DRD2: variants seen among roughly 807,000 people sequenced by gnomAD.
The protein encoded by DRD2 is D(2) dopamine receptor.
In DRD2, 8 loss-of-function variants were observed where a neutral mutation model predicts 38.0. The ratio of observed to expected loss-of-function variants is 0.21; its 90% confidence interval spans 0.12 to 0.38. DRD2 has a LOEUF of 0.38. DRD2 is among the 10% of genes least tolerant of loss of function. The pLI, the probability that DRD2 is intolerant of heterozygous loss-of-function variation, is 1.00. For synonymous variants in DRD2, 230 were observed against 238.6 expected (o/e 0.96, Z 0.33); for missense variants, 403 against 607.7 (o/e 0.66, Z 3.54).
chr11:113,454,750 C>G (rs1237672535), intron 1 of DRD2, among the ~76,000 whole-genome samples: 1 of 152,120 alleles, frequency 6.6e-6, no homozygotes, highest in Non-Finnish European at 1.5e-5. Context: ...ACGTGGTATC[C>G]ACATACAATG....
At chr11:113,473,034 C>A (rs898352997) in intron 1 of DRD2, among the ~76,000 whole-genome samples, 3 of 152,034 alleles carry the variant, frequency 2.0e-5, no homozygotes, top group African/African-American at 7.3e-5. Context: ...CAGCAGGAGA[C>A]AAAGGGTGAG....
rs1401404018 is a variant in DRD2 at position 113,475,213 on chromosome 11, G to A, written c.-169C>T. 1.3e-5 allele frequency: 2 copies of A among 150,408 alleles called. No individual in the cohort carries two copies. Among genetic ancestry groups the A allele is most frequent in the Non-Finnish European group, 3.0e-5 (2 of 67,394 alleles). 9.3% of individuals were successfully genotyped at this position (150,408 alleles called of 1,614,324 possible). On this transcript the variant is annotated 5_prime_UTR_variant, in exon 1 of 8. Coordinates refer to ENST00000362072, the MANE Select transcript of DRD2 (RefSeq NM_000795.4). ...CTCCTCGGCCGGTCCCTGGCTCCCG[G>A]CCCCGCCGCGCCGTTCAGAGCCCCG...
chr11:113,448,379 C>T (rs184180374), intron 1 of DRD2, among the ~76,000 whole-genome samples: 297 of 152,288 alleles, frequency 2.0e-3, no homozygotes, highest in Admixed American at 5.2e-3. Context: ...CTGAAAACCA[C>T]GCCTCAAGCT....
intron 1 of DRD2, among the ~76,000 whole-genome samples, chr11:113,462,404 A>T (rs778105539): frequency 6.6e-6 from 1 of 152,226 alleles, no homozygotes; most frequent in Non-Finnish European, 1.5e-5. Context: ...ATTCTGGATT[A>T]CAGTGGACCC....
chr11:113,444,590 A>G (rs188638879), intron 1 of DRD2, among the ~76,000 whole-genome samples: 111 of 152,340 alleles, frequency 7.3e-4, no homozygotes, highest in African/African-American at 2.5e-3. Flanking sequence ...AGGAAATTAC[A>G]TGGCTTACAC....
intron 1 of DRD2, among the ~76,000 whole-genome samples, chr11:113,445,957 C>G (rs1951144386): frequency 6.6e-6 from 1 of 152,194 alleles, no homozygotes; most frequent in African/African-American, 2.4e-5. Context: ...GAGGCATTTT[C>G]CAGCCTGTTC....
chr11:113,426,805 A>C (rs1027547848), intron 1 of DRD2, among the ~76,000 whole-genome samples: 10 of 152,370 alleles, frequency 6.6e-5, no homozygotes, highest in African/African-American at 2.2e-4. Context: ...GTAATGAAGC[A>C]TATGTCATAT....
At chr11:113,455,825 T>C (rs1391097322) in intron 1 of DRD2, among the ~76,000 whole-genome samples, 5 of 152,192 alleles carry the variant, frequency 3.3e-5, no homozygotes, top group Non-Finnish European at 5.9e-5. Context: ...GGAACACTTA[T>C]AAACCGTTGG....
intron 2 of DRD2, among the ~76,000 whole-genome samples, chr11:113,423,764 C>T (rs1183722235): frequency 6.6e-6 from 1 of 152,188 alleles, no homozygotes; most frequent in Non-Finnish European, 1.5e-5. Context: ...GGCTACAGCA[C>T]AGTCCATGGC....
At chr11:113,413,480 CT>C (rs34684460) in intron 6 of DRD2, 7,549 of 419,862 alleles carry the variant, frequency 0.018, 522 homozygotes, top group African/African-American at 0.14. Flanking sequence ...CTCCTGGGTT[CT>C]TCCATAGGTT....
chr11:113,418,237 A>C, intron 2 of DRD2, 101 bp from the exon 3 acceptor site: 1 of 955,140 alleles, frequency 1.0e-6, no homozygotes, highest in Non-Finnish European at 1.7e-6. Context: ...CAGACTCAGG[A>C]GGCAGCTGCA....
chr11:113,454,886 G>A (rs1316843873), intron 1 of DRD2, among the ~76,000 whole-genome samples: 1 of 152,168 alleles, frequency 6.6e-6, no homozygotes. Flanking sequence ...GTGAGAAAAG[G>A]GCAGTCTCTT....
At chr11:113,414,613 G>A in intron 5 of DRD2, 152 bp from the exon 6 acceptor site, 1 of 761,194 alleles carries the variant, frequency 1.3e-6, no homozygotes. Flanking sequence ...GGGGCAAGGG[G>A]GAAGGCTGGA....
In DRD2 at chr11:113,475,267, C is replaced by G. The variant is rs898449277; in HGVS notation, c.-223G>C. On this transcript the variant is annotated 5_prime_UTR_variant, in exon 1 of 8. Coordinates refer to ENST00000362072, the MANE Select transcript of DRD2 (RefSeq NM_000795.4). ...GGCAGCAGCTCGGCCGGCTCTGGCCCGCGGGGAGCAGTGGACGGGCCGCGG... is the reference window on the plus strand; with the variant it reads ...GGCAGCAGCTCGGCCGGCTCTGGCCGGCGGGGAGCAGTGGACGGGCCGCGG... 2 of 148,792 alleles carry G rather than the reference C, an allele frequency of 1.3e-5. No individual in the cohort carries two copies. The highest frequency in any genetic ancestry group is 4.9e-5 in the African/African-American group (2 of 41,104). 9.2% of individuals were successfully genotyped at this position (148,792 alleles called of 1,614,324 possible).
At chr11:113,436,756 T>C (rs1200071166) in intron 1 of DRD2, among the ~76,000 whole-genome samples, 1 of 152,216 alleles carries the variant, frequency 6.6e-6, no homozygotes, top group Non-Finnish European at 1.5e-5. Flanking sequence ...CAAAATGTTT[T>C]AAAATATCTA....
intron 1 of DRD2, among the ~76,000 whole-genome samples, chr11:113,466,997 C>A (rs955795757): frequency 2.0e-5 from 3 of 152,200 alleles, no homozygotes; most frequent in African/African-American, 7.2e-5. Flanking sequence ...TTCAACTACA[C>A]ATACTACTAA....
intron 2 of DRD2, among the ~76,000 whole-genome samples, chr11:113,421,556 G>A (rs575382377): frequency 2.0e-5 from 3 of 152,200 alleles, no homozygotes; most frequent in Non-Finnish European, 2.9e-5. Context: ...AGATGGAAAG[G>A]AATGGAGCTG....
At chr11:113,437,370 G>A (rs1389948527) in intron 1 of DRD2, among the ~76,000 whole-genome samples, 4 of 152,026 alleles carry the variant, frequency 2.6e-5, no homozygotes, top group East Asian at 1.9e-4. Context: ...ACATCTACAC[G>A]GTTCCTTCAT....
At position 113,455,302 on chromosome 11, in the gene DRD2, C is replaced by T. The variant is rs182852183; in HGVS notation, c.-32+19774G>A. On this transcript the variant is annotated intron_variant, in intron 1 of 7. Coordinates refer to ENST00000362072, the MANE Select transcript of DRD2 (RefSeq NM_000795.4). ...GCTTGAACCTGGGAGGTGGAGGTTG[C>T]GGTGAGCTGAGATCACACCACAGCA... Among the ~76,000 whole-genome samples the T allele has an allele frequency of 5.4e-3, 821 of 152,124 alleles. 18 individuals carry two copies. The highest frequency in any genetic ancestry group is 0.027 in the Admixed American group (418 of 15,262).
Sources: allele counts gnomAD v4.1 joint callset (sites outside exome capture counted in the v4.1 genomes callset), GRCh38; gene constraint gnomAD v4.1.1; transcripts MANE v1.5; gene names NCBI Gene and HGNC (gene_info 2026-07-23, HGNC 2026-07-21).